NOTCH3: variants seen among roughly 807,000 people sequenced by gnomAD.
The protein encoded by NOTCH3 is notch receptor 3.
A neutral mutation model predicts 213.3 loss-of-function variants in NOTCH3; 86 were observed. The ratio of observed to expected loss-of-function variants is 0.40; its 90% CI spans 0.34 to 0.48. The LOEUF is 0.48. Among genes scored for constraint, NOTCH3 ranks in the 20% least tolerant of loss-of-function variants. The pLI, the probability that NOTCH3 is intolerant of heterozygous loss-of-function variation, is 0.57. For synonymous variants in NOTCH3, 1,354 were observed against 1,355.9 expected, an observed-to-expected ratio of 1.00 and a Z score of 0.03; for missense variants, 2,783 against 3,272.6, an observed-to-expected ratio of 0.85 and a Z score of 3.65.
At chr19:15,181,346 C>T (rs1307852686) in intron 17 of NOTCH3, among the ~76,000 whole-genome samples, 184 bp from the exon 18 acceptor site, 2 of 152,310 alleles carry the variant, frequency 1.3e-5, no homozygotes, top group African/African-American at 4.8e-5. Flanking sequence ...GACTTCAGCC[C>T]TAAGGTGAGA....
In NOTCH3 at chr19:15,160,169, T is replaced by C; in HGVS notation, c.*493A>G. The stretch of plus-strand genomic sequence containing the variant: ...TGTACTAGGTACACAGAATCCAGCT[T>C]GGCCGAATGGGCCCACAGACTCAGC... On this transcript the variant is annotated 3_prime_UTR_variant, in exon 33 of 33. Coordinates refer to ENST00000263388, the MANE Select transcript of NOTCH3 (RefSeq NM_000435.3). The C allele has an allele frequency of 4.2e-6, 1 of 239,496 alleles. No homozygotes were observed. The highest frequency in any genetic ancestry group is 8.2e-6 in the Non-Finnish European group (1 of 122,680). 14.8% of individuals were successfully genotyped at this position (239,496 alleles called of 1,614,324 possible).
intron 32 of NOTCH3, among the ~76,000 whole-genome samples, chr19:15,162,004 CAG>C (rs1415952481): frequency 8.9e-5 from 4 of 44,860 alleles, no homozygotes; most frequent in African/African-American, 2.2e-4. Context: ...TTTTTTTTGA[CAG>C]AGTCTCACTG....
rs2074623 is a variant in NOTCH3 at position 15,167,708 on chromosome 19, G to A, written c.5200-297C>T. On this transcript the variant is annotated intron_variant, in intron 28 of 32. Transcript: ENST00000263388. ...AGCTGGGATTACAGGCACATGCCAC[G>A]GTGTCCAGCTAATTTTTTGTATTTT... 0.11 allele frequency among the ~76,000 whole-genome samples: 17,392 copies of A among 152,022 alleles called. 3,050 individuals carry two copies. Among genetic ancestry groups the A allele is most frequent in the African/African-American group, 0.38 (15,782 of 41,454 alleles).
In NOTCH3 at chr19:15,180,806, C is replaced by T. The variant is rs150941674; in HGVS notation, c.3017G>A (p.Arg1006His). The T allele has an allele frequency of 6.2e-7, 1 of 1,611,606 alleles. No homozygotes were observed. The highest frequency in any genetic ancestry group is 1.3e-5 in the African/African-American group (1 of 75,024). The change falls in exon 19 of 33, where the codon CGC becomes CAC. Residue 1006 changes from arginine to histidine, a missense_variant. Physicochemically the swap from Arg to His is conservative, Grantham distance 29. This residue lies in a region of NOTCH3 where 861 missense variants were observed against 909.1 expected (regional missense o/e 0.95). Transcript: ENST00000263388. ...GCGACCCCCGTTTTGACAAGGCTGG[C>T]GGCTGCACCAATCCACCAGCGTCTG... ...QCQTLVDWCS[R>H]QPCQNGGRCV...
chr19:15,197,441 G>GCCCCCCCCCCCCCCCCCCCCCCCC lies in NOTCH3; in HGVS notation c.197+58_197+59insGGGGGGGGGGGGGGGGGGGGGGGG. ...CAGAGGCAGAGGGAGAAGACAAATCGCCCCTCCCCCCCGCCCCCACACACA... is the reference window on the plus strand; with the variant it reads ...CAGAGGCAGAGGGAGAAGACAAATCGCCCCCCCCCCCCCCCCCCCCCCCCCCCCTCCCCCCCGCCCCCACACACA... On this transcript the variant is annotated intron_variant, in intron 2 of 32. Coordinates refer to ENST00000263388, the MANE Select transcript of NOTCH3 (RefSeq NM_000435.3). 3.9e-6 allele frequency: 3 copies of GCCCCCCCCCCCCCCCCCCCCCCCC among 768,362 alleles called. No homozygotes were observed. The East Asian group carries it at 8.2e-5, about 21-fold the overall frequency. The allele number at this position is 768,362 out of a possible 1,614,324, so 47.6% of individuals were successfully genotyped here.
At position 15,180,106 on chromosome 19, in the gene NOTCH3, G is replaced by T. The variant is rs182238142; in HGVS notation, c.3293C>A (p.Thr1098Asn). 5 of 1,612,412 alleles carry T rather than the reference G, an allele frequency of 3.1e-6. No homozygotes were observed. The African/African-American group carries it at 6.7e-5, about 22-fold the overall frequency. ...CLAQPCQHGG[T>N]CRGYMGGYMC... is the part of the protein sequence containing the mutation. ...GTAGCCCCCCATATAGCCACGGCAG[G>T]TCCCCCCATGCTGGCAGGGCTGGGC... Residue 1098 changes from threonine to asparagine, a missense_variant, in exon 20 of 33, where the codon ACC (threonine) becomes AAC (asparagine). By Grantham distance (65) the Thr-to-Asn change is moderately conservative (BLOSUM62 0). This residue lies in a region of NOTCH3 where 861 missense variants were observed against 909.1 expected (regional missense o/e 0.95). Coordinates refer to ENST00000263388, the MANE Select transcript of NOTCH3 (RefSeq NM_000435.3).
intron 31 of NOTCH3, among the ~76,000 whole-genome samples, chr19:15,162,950 C>T (rs931712867): frequency 3.9e-5 from 6 of 152,152 alleles, no homozygotes; most frequent in African/African-American, 1.4e-4. Context: ...GTCACCCAGG[C>T]TGGAGTCCAT....
At chr19:15,174,486 A>G in intron 24 of NOTCH3, 86 bp from the exon 25 acceptor site, 1 of 977,660 alleles carries the variant, frequency 1.0e-6, no homozygotes, top group Non-Finnish European at 1.5e-6. Flanking sequence ...CGTAGAGTAC[A>G]GAGACTCCAG....
In NOTCH3 at chr19:15,180,783, G is replaced by C. The variant is rs376682593; in HGVS notation, c.3040C>G (p.Arg1014Gly). ...CAATAGGCCCCAGTCTGGACGCAGCGACCCCCGTTTTGACAAGGCTGGCGG... is the reference window on the plus strand; with the variant it reads ...CAATAGGCCCCAGTCTGGACGCAGCCACCCCCGTTTTGACAAGGCTGGCGG... ...CSRQPCQNGG[R>G]CVQTGAYCLC... The change falls in exon 19 of 33, where the codon CGC (arginine) becomes GGC (glycine). Residue 1014 changes from arginine (R) to glycine (G), a missense_variant. By Grantham distance (125) the Arg-to-Gly change is moderately radical. Around this residue, in one of 6 missense-constraint regions of NOTCH3, gnomAD observed 861 missense variants for 909.1 expected, o/e 0.95. Coordinates refer to ENST00000263388, the MANE Select transcript of NOTCH3 (RefSeq NM_000435.3). The C allele has an allele frequency of 1.2e-6, 2 of 1,609,052 alleles. No individual in the cohort carries two copies. Among genetic ancestry groups the C allele is most frequent in the African/African-American group, 2.7e-5 (2 of 74,990 alleles).
chr19:15,184,866 G>A (rs1034760446), intron 15 of NOTCH3, 40 bp downstream of exon 15: 4 of 1,129,776 alleles, frequency 3.5e-6, no homozygotes, highest in Non-Finnish European at 5.2e-6. Flanking sequence ...AGGGGGCAGA[G>A]GAGATGGAGA....
rs1050565567 is a variant in NOTCH3, at chr19:15,188,137, G to T, written c.1492+98C>A. 61 of 1,083,700 alleles carry T rather than the reference G, an allele frequency of 5.6e-5. No homozygotes were observed. In the Admixed American group the frequency reaches 9.5e-4, roughly 17 times the overall value. The allele number at this position is 1,083,700 out of a possible 1,614,324, so 67.1% of individuals were successfully genotyped here. A position where few individuals can be genotyped will look rare whatever the true frequency, so the allele number is the denominator to read the frequency against. Reference sequence around the variant, plus strand: ...TGTTTCATAACATATGGTTTCTATTGTAAGTTATCCGCTAACGTGGTTTTA... The same window carrying T: ...TGTTTCATAACATATGGTTTCTATTTTAAGTTATCCGCTAACGTGGTTTTA... On this transcript the variant is annotated intron_variant, in intron 9 of 32. Transcript: ENST00000263388.
intron 2 of NOTCH3, among the ~76,000 whole-genome samples, chr19:15,196,383 C>A (rs1335047410): frequency 6.7e-6 from 1 of 149,598 alleles, no homozygotes; most frequent in Admixed American, 6.7e-5. Context: ...CCCCAGGAAA[C>A]CCTCTCAGTC....
chr19:15,195,792 G>C (rs2046965193), intron 2 of NOTCH3, among the ~76,000 whole-genome samples: 4 of 151,468 alleles, frequency 2.6e-5, no homozygotes, highest in Admixed American at 2.6e-4. Flanking sequence ...ACCCGCGCGG[G>C]CCCCCTCCCG....
chr19:15,173,369 C>G (rs2046755336), intron 25 of NOTCH3, among the ~76,000 whole-genome samples: 1 of 145,054 alleles, frequency 6.9e-6, no homozygotes, highest in Non-Finnish European at 1.5e-5. Context: ...TTGCAGAAAG[C>G]CGAGATCGCG....
At chr19:15,188,177 G>A in intron 9 of NOTCH3, 58 bp downstream of exon 9, 2 of 1,312,918 alleles carry the variant, frequency 1.5e-6, no homozygotes, top group Non-Finnish European at 2.2e-6. Flanking sequence ...TTCCCACCCT[G>A]GAGTTTTTGC....
intron 2 of NOTCH3, among the ~76,000 whole-genome samples, chr19:15,193,793 A>C (rs1262689075): frequency 2.2e-5 from 3 of 139,130 alleles, no homozygotes; most frequent in Non-Finnish European, 3.2e-5. Flanking sequence ...AAAACAAAAA[A>C]AACAAACAGG....
rs34338511 is a variant in NOTCH3, at chr19:15,184,354, G to T, written c.2507C>A (p.Thr836Asn). 1.9e-6 allele frequency: 3 copies of T among 1,613,912 alleles called. No homozygotes were observed. The highest frequency in any genetic ancestry group is 2.5e-6 in the Non-Finnish European group (3 of 1,179,954). Residue 836 changes from threonine (T) to asparagine (N), a missense_variant, in exon 16 of 33, where the codon ACC (threonine) becomes AAC (asparagine). By Grantham distance (65) the Thr-to-Asn change is moderately conservative (BLOSUM62 0). Transcript: ENST00000263388. ...AGGGCCAGTGTACCCTCCATGGCAGGTGCAGCTGAAACTCCCTGCCAGGTT... is the reference window on the plus strand; with the variant it reads ...AGGGCCAGTGTACCCTCCATGGCAGTTGCAGCTGAAACTCCCTGCCAGGTT... Reference protein sequence around the residue: ...CTNLAGSFSCTCHGGYTGPSC... With the variant: ...CTNLAGSFSCNCHGGYTGPSC...
chr19:15,184,220 A>T, intron 16 of NOTCH3, 75 bp downstream of exon 16: 1 of 1,399,254 alleles, frequency 7.1e-7, no homozygotes, highest in Non-Finnish European at 1.0e-6. Context: ...ATGACAGCAC[A>T]GTGCCAGGCA....
chr19:15,185,725 G>A lies in NOTCH3; in HGVS notation c.1952-46C>T, dbSNP rs2046876611. On this transcript the variant is annotated intron_variant, in intron 12 of 32. Transcript: ENST00000263388. The surrounding 1 kb of genome is among the most constrained non-coding windows in gnomAD (Gnocchi z 4.2). Reference sequence around the variant, plus strand: ...CTCATCTCAGAACAAAGTCAGCAGGGACAACCAGGGAGGGACGACGTGACC... The same window carrying A: ...CTCATCTCAGAACAAAGTCAGCAGGAACAACCAGGGAGGGACGACGTGACC... The A allele has an allele frequency of 8.8e-6, 14 of 1,599,270 alleles. No individual in the cohort carries two copies. Among genetic ancestry groups the A allele is most frequent in the African/African-American group, 1.3e-5 (1 of 74,706 alleles).
Sources: gnomAD v4.1 joint callset for allele counts (sites outside exome capture counted in the v4.1 genomes callset) on GRCh38, gnomAD v4.1.1 for gene constraint, gnomAD v4.1.1 regional missense constraint, Gnocchi (gnomAD v3.1) non-coding constraint, MANE v1.5 for transcripts, NCBI Gene and HGNC (gene_info 2026-07-23, HGNC 2026-07-21) for gene names.